The following ERG variants were observed in gnomAD, a reference collection of about 807,000 sequenced individuals.
ERG encodes transcriptional regulator ERG.
In ERG, 9 loss-of-function variants were observed where a neutral mutation model predicts 55.3. The ratio of observed to expected loss-of-function variants is 0.16; its 90% confidence interval spans 0.10 to 0.28. ERG has a LOEUF of 0.28. ERG is among the 10% of genes least tolerant of loss of function. The pLI, the probability that ERG is intolerant of heterozygous loss-of-function variation, is 1.00. For synonymous variants in ERG, 223 were observed against 237.3 expected, an observed-to-expected ratio of 0.94 and a Z score of 0.55; for missense variants, 434 against 631.6, an observed-to-expected ratio of 0.69 and a Z score of 3.35.
upstream of ERG, among the ~76,000 whole-genome samples, chr21:38,589,103 C>T (rs147373927): frequency 3.3e-5 from 5 of 152,280 alleles, no homozygotes; most frequent in South Asian, 2.1e-4. Flanking sequence ...CCATTCTCTA[C>T]GCACAGATCT....
At chr21:38,377,190 A>ATC (rs746667852), downstream of ERG, among the ~76,000 whole-genome samples, 3 of 152,252 alleles carry the variant, frequency 2.0e-5, no homozygotes, top group Non-Finnish European at 4.4e-5. Context: ...TGAAAAAGAT[A>ATC]GTGTATGCAC....
In ERG at chr21:38,455,969, C is replaced by G. The variant is rs182562305; in HGVS notation, c.19-10348G>C. ...AGAAGAAGCCGCAAGACCACAGGGC[C>G]ACTGGCCATGGGGCTCCACCACTCC... On this transcript the variant is annotated intron_variant, in intron 1 of 9. Transcript: ENST00000288319. Among the ~76,000 whole-genome samples the G allele has an allele frequency of 1.8e-4, 27 of 152,036 alleles. No homozygotes were observed. In the East Asian group the frequency reaches 4.8e-3, roughly 27 times the overall value.
At chr21:38,500,940 T>C (rs191516187), upstream of ERG, among the ~76,000 whole-genome samples, 222 of 152,288 alleles carry the variant, frequency 1.5e-3, no homozygotes, top group African/African-American at 5.3e-3. Context: ...TCCTGTTGTC[T>C]TCAAAGAGAA....
chr21:38,581,181 G>A (rs962571618), intron 1 of ERG, among the ~76,000 whole-genome samples: 1 of 152,210 alleles, frequency 6.6e-6, no homozygotes, highest in South Asian at 2.1e-4. Context: ...GTTCAGCTGG[G>A]GAGGGCAGGA....
At chr21:38,466,300 GGTGT>G (rs145670035) in intron 1 of ERG, among the ~76,000 whole-genome samples, 173 of 140,680 alleles carry the variant, frequency 1.2e-3, no homozygotes, top group Middle Eastern at 3.6e-3. Context: ...GATGGTCTGG[GGTGT>G]GTGTGTGTGT....
At chr21:38,417,471 T>C (rs1001266411) in intron 3 of ERG, among the ~76,000 whole-genome samples, 4 of 152,140 alleles carry the variant, frequency 2.6e-5, no homozygotes, top group Non-Finnish European at 5.9e-5. Context: ...ACTCAACACT[T>C]TAGCACCTAT....
intron 2 of ERG, among the ~76,000 whole-genome samples, chr21:38,503,793 G>T (rs570239841): frequency 1.2e-3 from 184 of 152,164 alleles, no homozygotes; most frequent in Non-Finnish European, 1.9e-3. Context: ...CAAGCATCTG[G>T]GGCTGCCGCA....
chr21:38,621,315 A>G (rs186012828), intron 1 of ERG, among the ~76,000 whole-genome samples: 40 of 152,322 alleles, frequency 2.6e-4, no homozygotes, highest in African/African-American at 8.7e-4. Flanking sequence ...TAGAGAGCGC[A>G]CTTTCCTCTC....
chr21:38,452,371 A>G (rs1013360589), intron 1 of ERG, among the ~76,000 whole-genome samples: 2 of 152,264 alleles, frequency 1.3e-5, no homozygotes, highest in Non-Finnish European at 2.9e-5. Flanking sequence ...ACGCACATGC[A>G]TATACACAAA....
At chr21:38,516,422 C>A (rs2059552096) in intron 2 of ERG, among the ~76,000 whole-genome samples, 2 of 151,596 alleles carry the variant, frequency 1.3e-5, no homozygotes, top group Admixed American at 1.3e-4. Context: ...AGCGAAAAAT[C>A]TCTACAAAAA....
At chr21:38,591,382 A>G (rs115312172) in intron 1 of ERG, among the ~76,000 whole-genome samples, 1,910 of 152,306 alleles carry the variant, frequency 0.013, 34 homozygotes, top group African/African-American at 0.043. Flanking sequence ...CTCATAGAAG[A>G]AGTTGAGCAA....
intron 2 of ERG, among the ~76,000 whole-genome samples, chr21:38,572,969 T>G (rs925030991): frequency 1.3e-5 from 2 of 152,238 alleles, no homozygotes; most frequent in African/African-American, 4.8e-5. Context: ...TTTGCTGAGA[T>G]GTTGTTAATT....
chr21:38,433,338 C>T (rs952886759), intron 2 of ERG, among the ~76,000 whole-genome samples: 1 of 152,142 alleles, frequency 6.6e-6, no homozygotes, highest in East Asian at 1.9e-4. Context: ...ACTGGGGAAG[C>T]AGTCAATCTA....
intron 1 of ERG, among the ~76,000 whole-genome samples, chr21:38,592,714 A>G (rs1275124208): frequency 6.6e-6 from 1 of 152,042 alleles, no homozygotes; most frequent in African/African-American, 2.4e-5. Flanking sequence ...CTTTTACTCT[A>G]AGTCACAGAG....
Position 38,470,271 on chromosome 21 carries a change from A to G in ERG, c.19-24650T>C, listed in dbSNP as rs79224244. 1.8e-3 allele frequency among the ~76,000 whole-genome samples: 244 copies of G among 137,184 alleles called. 1 individual carries two copies. The highest frequency in any genetic ancestry group is 6.4e-3 in the African/African-American group (235 of 36,904). The allele number at this position is 137,184 out of a possible 152,430, so 90.0% of individuals were successfully genotyped here. On this transcript the variant is annotated intron_variant, in intron 1 of 9. Transcript: ENST00000288319. ...ATGAGTGTTTTCTATTATTATTATTATTATTATTATTGTTATAATTATCTG... is the reference window on the plus strand; with the variant it reads ...ATGAGTGTTTTCTATTATTATTATTGTTATTATTATTGTTATAATTATCTG...
rs55638580 is a variant in ERG, at chr21:38,385,987, C to T, written c.920-2064G>A. Among the ~76,000 whole-genome samples, 1,439 of 152,292 alleles carry T rather than the reference C, an allele frequency of 9.4e-3. 29 individuals carry two copies. Among genetic ancestry groups the T allele is most frequent in the African/African-American group, 0.033 (1,358 of 41,528 alleles). ...AGAGAAAGCAACTCCACAGACCTGC[C>T]GAAATCACACTTGGAATCTACTCAA... On this transcript the variant is annotated intron_variant, in intron 9 of 9. Transcript: ENST00000288319.
chr21:38,438,012 T>A (rs887833546), intron 2 of ERG, among the ~76,000 whole-genome samples: 1 of 152,188 alleles, frequency 6.6e-6, no homozygotes, highest in Non-Finnish European at 1.5e-5. Flanking sequence ...TCCAAACTCA[T>A]CATCTATTAC....
At chr21:38,556,809 C>A (rs2059861204) in intron 2 of ERG, among the ~76,000 whole-genome samples, 2 of 152,166 alleles carry the variant, frequency 1.3e-5, no homozygotes, top group Non-Finnish European at 1.5e-5. Context: ...AGGAGACCCA[C>A]CGCACCCAGA....
At chr21:38,407,911 T>C (rs1221291473) in intron 3 of ERG, among the ~76,000 whole-genome samples, 4 of 144,168 alleles carry the variant, frequency 2.8e-5, no homozygotes, top group Non-Finnish European at 4.5e-5. Context: ...TACTTACATA[T>C]ATGCTATATA....
Sources: allele counts gnomAD v4.1 joint callset (sites outside exome capture counted in the v4.1 genomes callset), GRCh38; gene constraint gnomAD v4.1.1; transcripts MANE v1.5; gene names NCBI Gene and HGNC (gene_info 2026-07-23, HGNC 2026-07-21).